Variants in PCDHGA11 observed in about 807,000 individuals in gnomAD.
The protein encoded by PCDHGA11 is protocadherin gamma-A11.
A neutral mutation model predicts 60.4 loss-of-function variants in PCDHGA11; 39 were observed. That is an observed-to-expected ratio of 0.65 (90% CI 0.50 to 0.84). The LOEUF (loss-of-function observed/expected upper bound fraction) is 0.84, where lower values mean the gene tolerates loss of function less well. Among genes scored for constraint, PCDHGA11 ranks in the 40% least tolerant of loss-of-function variants. The pLI is 0.00. For synonymous variants in PCDHGA11, 533 were observed against 510.3 expected, an observed-to-expected ratio of 1.04 and a Z score of -0.60; for missense variants, 1,165 against 1,197.7, an observed-to-expected ratio of 0.97 and a Z score of 0.40.
At chr5:141,452,511 A>G (rs573632978) in intron 1 of PCDHGA11, among the ~76,000 whole-genome samples, 1 of 152,056 alleles carries the variant, frequency 6.6e-6, no homozygotes, top group South Asian at 2.1e-4. Context: ...TTGTACACAC[A>G]CTCCCTCAAA....
At chr5:141,448,316 T>G (rs1042171540) in intron 1 of PCDHGA11, among the ~76,000 whole-genome samples, 2 of 152,174 alleles carry the variant, frequency 1.3e-5, no homozygotes, top group Admixed American at 1.3e-4. Context: ...AGGAATCTTT[T>G]CTTTGAATCT....
intron 1 of PCDHGA11, among the ~76,000 whole-genome samples, chr5:141,449,868 T>C (rs902371897): frequency 1.3e-5 from 2 of 151,910 alleles, no homozygotes; most frequent in African/African-American, 4.8e-5. Flanking sequence ...AATCAGAAAA[T>C]TTAACATCAA....
intron 1 of PCDHGA11, among the ~76,000 whole-genome samples, chr5:141,483,722 C>G (rs1043315057): frequency 6.6e-6 from 1 of 152,080 alleles, no homozygotes; most frequent in Non-Finnish European, 1.5e-5. Context: ...TATTGGTTCC[C>G]ACCATAGTCA....
At position 141,491,099 on chromosome 5, in the gene PCDHGA11, T is replaced by C. The variant is rs1352561414; in HGVS notation, c.2434-3708T>C. 1 of 1,614,176 alleles carries C rather than the reference T, an allele frequency of 6.2e-7. No homozygotes were observed. ...CAGTCCACAGCCCCAGGACTGTTCC[T>C]CGTGTCTACACACACTGGTGAGGTG... On this transcript the variant is annotated intron_variant, in intron 1 of 3. Coordinates refer to ENST00000398587, the MANE Select transcript of PCDHGA11 (RefSeq NM_018914.3). The surrounding 1 kb of genome is among the most constrained non-coding windows in gnomAD (Gnocchi z 6.9).
At position 141,421,512 on chromosome 5, in the gene PCDHGA11, G is replaced by T; in HGVS notation, c.285G>T (p.Glu95Asp). Residue 95 changes from glutamate (E) to aspartate (D), a missense_variant, in exon 1 of 4, where the codon GAG (glutamate) becomes GAT (aspartate). Coordinates refer to ENST00000398587, the MANE Select transcript of PCDHGA11 (RefSeq NM_018914.3). ...CGGCAGGCAGGATAGACCGGGAGGA[G>T]CTCTGTGAGACGGTGTCCTCCTGTT... is the stretch of plus-strand genomic sequence containing the variant. Reference protein sequence around the residue: ...LITAGRIDREELCETVSSCFL... With the variant: ...LITAGRIDREDLCETVSSCFL... 2 of 1,614,094 alleles carry T rather than the reference G, an allele frequency of 1.2e-6. No homozygotes were observed. Among genetic ancestry groups the T allele is most frequent in the Non-Finnish European group, 1.7e-6 (2 of 1,179,920 alleles).
rs762979829 is a variant in PCDHGA11, at chr5:141,432,863, T to A, written c.2433+9203T>A. 1 of 1,614,074 alleles carries A rather than the reference T, an allele frequency of 6.2e-7. No individual in the cohort carries two copies. Among genetic ancestry groups the A allele is most frequent in the East Asian group, 2.2e-5 (1 of 44,886 alleles). On this transcript the variant is annotated intron_variant, in intron 1 of 3. Coordinates refer to ENST00000398587, the MANE Select transcript of PCDHGA11 (RefSeq NM_018914.3). The surrounding 1 kb of genome is among the most constrained non-coding windows in gnomAD (Gnocchi z 6.0). ...GGTGGTAGCGGTGGCCGCGGTCTCCTGCGTCTTCCTGGCCTTCGTCATCTT... is the reference window on the plus strand; with the variant it reads ...GGTGGTAGCGGTGGCCGCGGTCTCCAGCGTCTTCCTGGCCTTCGTCATCTT...
Position 141,510,990 on chromosome 5 carries a change from C to T in PCDHGA11, c.2625C>T (p.Thr875=). ...GSSTLGGGAG[T]MGLSARYGPQ... ...CCACCCTGGGAGGGGGTGCCGGCAC[C>T]ATGGGATTGAGCGCCCGCTACGGAC... The change falls in exon 4 of 4, where the codon ACC becomes ACT. Residue 875 remains threonine, a synonymous_variant. Transcript: ENST00000398587. The T allele has an allele frequency of 2.5e-6, 4 of 1,614,166 alleles. No homozygotes were observed. Among genetic ancestry groups the T allele is most frequent in the Non-Finnish European group, 3.4e-6 (4 of 1,180,014 alleles).
chr5:141,467,409 C>T (rs2099143590), intron 1 of PCDHGA11, among the ~76,000 whole-genome samples: 1 of 152,132 alleles, frequency 6.6e-6, no homozygotes, highest in South Asian at 2.1e-4. Context: ...GAAAGCCTTT[C>T]CCCACACCTA....
In PCDHGA11 at chr5:141,432,287, G is replaced by A. The variant is rs189131107; in HGVS notation, c.2433+8627G>A. On this transcript the variant is annotated intron_variant, in intron 1 of 3. Transcript: ENST00000398587. This position sits in a 1 kb window ranked among gnomAD's most constrained non-coding sequence, Gnocchi z 6.0. ...ATCGTCCTACGTGTCCATCAACTCC[G>A]ACACTGGGGTACTGTATGCGCTGAG... The A allele has an allele frequency of 2.3e-4, 365 of 1,614,216 alleles. 2 individuals carry two copies. In the East Asian group the frequency reaches 6.5e-3, roughly 29 times the overall value.
intron 1 of PCDHGA11, chr5:141,428,284 G>A (rs762469333): frequency 4.2e-5 from 31 of 734,822 alleles, no homozygotes. Flanking sequence ...TGATTCCCAA[G>A]CAAAGCTGCA....
rs2099749632 is a variant in PCDHGA11, at chr5:141,493,698, C to T, written c.2434-1109C>T. The stretch of plus-strand genomic sequence containing the variant: ...AGAATGGTGCTGGTGACTCCCGATA[C>T]ACCTGGAATGCTAGGTTTCTGGGTT... On this transcript the variant is annotated intron_variant, in intron 1 of 3. Transcript: ENST00000398587. This position sits in a 1 kb window ranked among gnomAD's most constrained non-coding sequence, Gnocchi z 4.3. Among the ~76,000 whole-genome samples the T allele has an allele frequency of 6.6e-6, 1 of 152,208 alleles. No individual in the cohort carries two copies. Among genetic ancestry groups the T allele is most frequent in the Non-Finnish European group, 1.5e-5 (1 of 68,034 alleles).
intron 1 of PCDHGA11, 102 bp downstream of exon 1, chr5:141,423,762 G>T: frequency 2.3e-5 from 6 of 264,236 alleles, no homozygotes; most frequent in Non-Finnish European, 3.4e-5. Context: ...GGGGGGGGGT[G>T]GGGCGGCATA....
intron 1 of PCDHGA11, among the ~76,000 whole-genome samples, chr5:141,434,463 G>A (rs967685246): frequency 5.9e-5 from 9 of 152,192 alleles, no homozygotes; most frequent in Admixed American, 1.3e-4. Flanking sequence ...TGGGTTTACC[G>A]GAATGAGGGC....
chr5:141,509,513 T>C (rs2099877131), intron 3 of PCDHGA11, among the ~76,000 whole-genome samples: 2 of 152,068 alleles, frequency 1.3e-5, no homozygotes, highest in Non-Finnish European at 2.9e-5. Flanking sequence ...ACGGTGTTGA[T>C]GATGTATTGC....
At position 141,485,675 on chromosome 5, in the gene PCDHGA11, A is replaced by C. The variant is rs1562106929; in HGVS notation, c.2434-9132A>C. 6.2e-7 allele frequency: 1 copy of C among 1,613,068 alleles called. No homozygotes were observed. The highest frequency in any genetic ancestry group is 8.5e-7 in the Non-Finnish European group (1 of 1,179,150). On this transcript the variant is annotated intron_variant, in intron 1 of 3. Coordinates refer to ENST00000398587, the MANE Select transcript of PCDHGA11 (RefSeq NM_018914.3). The surrounding 1 kb of genome is among the most constrained non-coding windows in gnomAD (Gnocchi z 5.7). ...TGCAGATGTGGGGAGCAATTCGATT[A>C]GCAGCTATAGGCTGAGCTCCAATGA...
intron 1 of PCDHGA11, among the ~76,000 whole-genome samples, chr5:141,475,504 T>C (rs1202550150): frequency 1.3e-5 from 2 of 152,254 alleles, no homozygotes; most frequent in Non-Finnish European, 2.9e-5. Flanking sequence ...AAATTATTAA[T>C]GTCTCCACGG....
intron 1 of PCDHGA11, among the ~76,000 whole-genome samples, chr5:141,442,879 A>T (rs1399128822): frequency 6.6e-6 from 1 of 152,256 alleles, no homozygotes; most frequent in Non-Finnish European, 1.5e-5. Flanking sequence ...TTTACAACTC[A>T]GAATCCCTGC....
At position 141,477,754 on chromosome 5, in the gene PCDHGA11, C is replaced by T. The variant is rs1325020341; in HGVS notation, c.2434-17053C>T. The T allele has an allele frequency of 3.7e-6, 6 of 1,613,928 alleles. No homozygotes were observed. Among genetic ancestry groups the T allele is most frequent in the Non-Finnish European group, 5.1e-6 (6 of 1,180,046 alleles). On this transcript the variant is annotated intron_variant, in intron 1 of 3. Coordinates refer to ENST00000398587, the MANE Select transcript of PCDHGA11 (RefSeq NM_018914.3). The surrounding 1 kb of genome is among the most constrained non-coding windows in gnomAD (Gnocchi z 4.9). Reference sequence around the variant, plus strand: ...ATATCAGCGATGGGGGCACCCCGGTCCTAGCCACCAACATCAGCGTGAACA... The same window carrying T: ...ATATCAGCGATGGGGGCACCCCGGTTCTAGCCACCAACATCAGCGTGAACA...
chr5:141,490,130 C>A lies in PCDHGA11; in HGVS notation c.2434-4677C>A, dbSNP rs535362535. On this transcript the variant is annotated intron_variant, in intron 1 of 3. Coordinates refer to ENST00000398587, the MANE Select transcript of PCDHGA11 (RefSeq NM_018914.3). The surrounding 1 kb of genome is among the most constrained non-coding windows in gnomAD (Gnocchi z 5.4). ...GTGCGGAACCTCTTTGGCCTAGACC[C>A]TAGCAGTGGGGCAATCCATGTGTTG... 11 of 1,614,242 alleles carry A rather than the reference C, an allele frequency of 6.8e-6. No individual in the cohort carries two copies. In the African/African-American group the frequency reaches 1.3e-4, roughly 20 times the overall value.
Sources: allele counts gnomAD v4.1 joint callset (sites outside exome capture counted in the v4.1 genomes callset), GRCh38; gene constraint gnomAD v4.1.1; non-coding constraint Gnocchi (gnomAD v3.1); transcripts MANE v1.5; gene names NCBI Gene and HGNC (gene_info 2026-07-23, HGNC 2026-07-21).